The following ODAD2 variants were observed in gnomAD, a reference collection of about 807,000 sequenced individuals.
ODAD2 encodes outer dynein arm docking complex subunit 2, also known as outer dynein arm-docking complex subunit 2.
In ODAD2, 89 loss-of-function variants were observed where a neutral mutation model predicts 106.8. That is an observed-to-expected ratio of 0.83 (90% CI 0.70 to 0.99). The LOEUF (loss-of-function observed/expected upper bound fraction) is 0.99. Ranked by LOEUF, ODAD2 falls within the 50% of genes least tolerant of loss-of-function variation. The probability of loss-of-function intolerance (pLI) is 0.00; values close to 1 mark genes in which losing one functional copy is unlikely to be tolerated. For synonymous variants in ODAD2, 404 were observed against 436.2 expected (o/e 0.93, Z 0.92); for missense variants, 1,168 against 1,238.5 (o/e 0.94, Z 0.85).
At chr10:27,850,226 C>T (rs188222060) in intron 19 of ODAD2, among the ~76,000 whole-genome samples, 9 of 152,246 alleles carry the variant, frequency 5.9e-5, no homozygotes, top group Admixed American at 3.9e-4. Flanking sequence ...GGGTGAATCA[C>T]TTGAGGTCAG....
intron 2 of ODAD2, among the ~76,000 whole-genome samples, chr10:27,993,959 A>AATATATATATATATAT (rs33977457): frequency 2.9e-4 from 37 of 129,692 alleles, no homozygotes; most frequent in African/African-American, 1.1e-3. Flanking sequence ...GAGGCTGGCA[A>AATATATATATATATAT]ATATATATAT....
intron 19 of ODAD2, among the ~76,000 whole-genome samples, chr10:27,847,206 C>A (rs9733579): frequency 0.046 from 6,965 of 152,108 alleles, 493 homozygotes; most frequent in African/African-American, 0.15. Flanking sequence ...CCAGCAGCAA[C>A]TCAAAAAGCT....
rs535716401 is a variant in ODAD2, at chr10:27,875,768, C to A, written c.2611-13146G>T. 3.7e-3 allele frequency among the ~76,000 whole-genome samples: 560 copies of A among 152,294 alleles called. 2 individuals carry two copies. Among genetic ancestry groups the A allele is most frequent in the African/African-American group, 0.013 (542 of 41,562 alleles). On this transcript the variant is annotated intron_variant, in intron 17 of 19. Transcript: ENST00000305242. ...AAGGCATTGCCTCACCCAGGAAGCACAAGGGGTCAGGGAATTCCCTTTCCT... is the reference window on the plus strand; with the variant it reads ...AAGGCATTGCCTCACCCAGGAAGCAAAAGGGGTCAGGGAATTCCCTTTCCT...
At chr10:27,955,696 G>GGTGTGTGTGT (rs56731384) in intron 10 of ODAD2, among the ~76,000 whole-genome samples, 46 of 143,014 alleles carry the variant, frequency 3.2e-4, no homozygotes, top group East Asian at 4.2e-4. Flanking sequence ...AACCAATTAA[G>GGTGTGTGTGT]GTGTGTGTGT....
At chr10:27,973,577 CA>C (rs1378100953) in intron 7 of ODAD2, among the ~76,000 whole-genome samples, 2 of 152,104 alleles carry the variant, frequency 1.3e-5, no homozygotes, top group African/African-American at 4.8e-5. Context: ...ATAAGTGGAA[CA>C]GGGGGTAATA....
intron 17 of ODAD2, among the ~76,000 whole-genome samples, chr10:27,891,868 C>T (rs901489830): frequency 6.6e-6 from 1 of 152,142 alleles, no homozygotes; most frequent in Admixed American, 6.5e-5. Context: ...TATAAATTTT[C>T]ATATTTTCAG....
chr10:27,917,870 GAAT>G (rs1205751565), intron 16 of ODAD2, among the ~76,000 whole-genome samples: 7 of 151,558 alleles, frequency 4.6e-5, no homozygotes, highest in Non-Finnish European at 3.0e-5. Flanking sequence ...AAGATTAAAA[GAAT>G]AATAAAATGA....
chr10:27,834,440 T>A (rs1837711453), intron 19 of ODAD2, among the ~76,000 whole-genome samples: 1 of 152,090 alleles, frequency 6.6e-6, no homozygotes, highest in East Asian at 1.9e-4. Flanking sequence ...CACTTCCCAT[T>A]GGTGATAACC....
chr10:27,872,429 G>A (rs1161731720), intron 17 of ODAD2, among the ~76,000 whole-genome samples: 1 of 151,764 alleles, frequency 6.6e-6, no homozygotes, highest in African/African-American at 2.4e-5. Flanking sequence ...TCCCTGTCTT[G>A]TGCCAGTTTT....
chr10:27,972,559 A>G lies in ODAD2; in HGVS notation c.937-1246T>C, dbSNP rs111506484. Among the ~76,000 whole-genome samples the G allele has an allele frequency of 2.3e-3, 353 of 152,336 alleles. 2 individuals carry two copies. Among genetic ancestry groups the G allele is most frequent in the African/African-American group, 8.2e-3 (341 of 41,590 alleles). ...ATTTTATATATAAAGATACAAATAC[A>G]TCAGAAGTGAAAGGCTGGAGAAGAA... On this transcript the variant is annotated intron_variant, in intron 7 of 19. Coordinates refer to ENST00000305242, the MANE Select transcript of ODAD2 (RefSeq NM_018076.5).
chr10:27,983,748 TCA>T, intron 6 of ODAD2, 93 bp downstream of exon 6: 2 of 1,203,382 alleles, frequency 1.7e-6, no homozygotes, highest in Non-Finnish European at 2.3e-6. Context: ...GAATGGTAAT[TCA>T]TTCTCTGTGG....
At chr10:27,868,839 A>G (rs1418375256) in intron 17 of ODAD2, among the ~76,000 whole-genome samples, 1 of 151,960 alleles carries the variant, frequency 6.6e-6, no homozygotes, top group African/African-American at 2.4e-5. Flanking sequence ...CTTAGAATAA[A>G]ATAAAATAAA....
chr10:27,877,371 C>A (rs1256897877), intron 17 of ODAD2, among the ~76,000 whole-genome samples: 1 of 152,110 alleles, frequency 6.6e-6, no homozygotes, highest in African/African-American at 2.4e-5. Flanking sequence ...TATGAGATAC[C>A]AGGAGCCAAA....
chr10:27,875,146 T>G (rs1042657602), intron 17 of ODAD2, among the ~76,000 whole-genome samples: 2 of 152,250 alleles, frequency 1.3e-5, no homozygotes, highest in African/African-American at 4.8e-5. Context: ...GTTGATTGAA[T>G]CGGCTACTAA....
intron 2 of ODAD2, among the ~76,000 whole-genome samples, chr10:27,993,974 A>ATATATATGTGTGTGTG (rs369833558): frequency 7.1e-6 from 1 of 140,546 alleles, no homozygotes; most frequent in Non-Finnish European, 1.5e-5. Context: ...ATATATATAT[A>ATATATATGTGTGTGTG]TGTGTGTGTG....
intron 12 of ODAD2, 70 bp from the exon 13 acceptor site, chr10:27,940,875 T>C (rs897015417): frequency 1.3e-6 from 2 of 1,488,426 alleles, no homozygotes; most frequent in South Asian, 1.3e-5. Flanking sequence ...CTTCAATAGC[T>C]ACAGTGTTCC....
At position 27,948,422 on chromosome 10, in the gene ODAD2, CTATTCTT is replaced by C. The variant is rs578223786; in HGVS notation, c.1387-3467_1387-3461del. Among the ~76,000 whole-genome samples, 251 of 152,294 alleles carry C rather than the reference CTATTCTT, an allele frequency of 1.6e-3. 1 individual carries two copies. Among genetic ancestry groups the C allele is most frequent in the African/African-American group, 5.7e-3 (235 of 41,568 alleles). ...CAGAGCCACAAATGTTAGCCAATTGCTATTCTTTAAATACCAGCTATGTCAAAGGATT... is the reference window on the plus strand; with the variant it reads ...CAGAGCCACAAATGTTAGCCAATTGCTAAATACCAGCTATGTCAAAGGATT... On this transcript the variant is annotated intron_variant, in intron 10 of 19. Coordinates refer to ENST00000305242, the MANE Select transcript of ODAD2 (RefSeq NM_018076.5).
intron 2 of ODAD2, among the ~76,000 whole-genome samples, chr10:27,991,251 AC>A (rs886462452): frequency 1.3e-5 from 2 of 152,106 alleles, no homozygotes; most frequent in Non-Finnish European, 2.9e-5. Context: ...GAGCTATTTG[AC>A]CCCCAGCCCC....
At chr10:27,937,870 A>T (rs1238078582) in intron 14 of ODAD2, among the ~76,000 whole-genome samples, 2 of 152,318 alleles carry the variant, frequency 1.3e-5, no homozygotes, top group South Asian at 2.1e-4. Context: ...CATATATACA[A>T]ATATATACAA....
Sources: allele counts gnomAD v4.1 joint callset (sites outside exome capture counted in the v4.1 genomes callset), GRCh38; gene constraint gnomAD v4.1.1; transcripts MANE v1.5; gene names NCBI Gene and HGNC (gene_info 2026-07-23, HGNC 2026-07-21).